The following MYH2 variants were observed in gnomAD, a reference collection of about 807,000 sequenced individuals.
MYH2 encodes the protein myosin-2.
Under a neutral mutation model 228.1 loss-of-function variants are expected in MYH2, and 139 were observed. The observed-to-expected ratio is 0.61, with a 90% CI of 0.53 to 0.70. The LOEUF is 0.70. MYH2 is among the 30% of genes least tolerant of loss of function. MYH2 has a pLI of 0.00. For synonymous variants in MYH2, 796 were observed against 871.1 expected, an observed-to-expected ratio of 0.91 and a Z score of 1.52; for missense variants, 1,809 against 2,357.5, an observed-to-expected ratio of 0.77 and a Z score of 4.82.
At chr17:10,540,196 G>A in intron 11 of MYH2, 130 bp from the exon 12 acceptor site, 7 of 1,283,702 alleles carry the variant, frequency 5.5e-6, no homozygotes, top group Non-Finnish European at 7.8e-6. Flanking sequence ...CTTAGATTGG[G>A]TATATAGAGA....
At chr17:10,540,149 G>C (rs1193885008) in intron 11 of MYH2, 83 bp from the exon 12 acceptor site, 1 of 1,582,540 alleles carries the variant, frequency 6.3e-7, no homozygotes, top group East Asian at 2.2e-5. Context: ...TTGCTGGCCT[G>C]AGGAAACTAC....
At chr17:10,540,207 G>A in intron 11 of MYH2, 141 bp from the exon 12 acceptor site, 1 of 1,174,630 alleles carries the variant, frequency 8.5e-7, no homozygotes, top group Non-Finnish European at 1.3e-6. Context: ...TATATAGAGA[G>A]TTGGTCAACC....
At chr17:10,545,549 T>A in intron 4 of MYH2, 47 bp from the exon 5 acceptor site, 1 of 1,608,750 alleles carries the variant, frequency 6.2e-7, no homozygotes, top group Admixed American at 1.7e-5. Context: ...TTCCTGTTAT[T>A]TGTGAAATTA....
rs1212172511 is a variant in MYH2, at chr17:10,529,900, T to C, written c.2872A>G (p.Lys958Glu). 1 of 1,612,994 alleles carries C rather than the reference T, an allele frequency of 6.2e-7. No homozygotes were observed. Among genetic ancestry groups the C allele is most frequent in the Non-Finnish European group, 8.5e-7 (1 of 1,179,174 alleles). The change falls in exon 23 of 40, where the codon AAA becomes GAA. Residue 958 changes from lysine to glutamate, a missense_variant. Coordinates refer to ENST00000245503, the MANE Select transcript of MYH2 (RefSeq NM_017534.6). ...GTCAGCTCAAGGTCATCAATGTCTT[T>C]CTTGAGTTCTGAACATTCATCCTCC... ...KLEDECSELK[K>E]DIDDLELTLA...
chr17:10,526,944 C>T lies in MYH2; in HGVS notation c.3984G>A (p.Glu1328=), dbSNP rs761787139. The T allele has an allele frequency of 6.2e-7, 1 of 1,614,004 alleles. No individual in the cohort carries two copies. The highest frequency in any genetic ancestry group is 1.3e-5 in the African/African-American group (1 of 75,062). The change falls in exon 29 of 40, where the codon GAG becomes GAA. Residue 1328 remains glutamate, a synonymous_variant. Transcript: ENST00000245503. ...GTCTTAGAATCATAATTACTTTTAT[C>T]TCCTCTTCAAGTTGCCTCTTTAATT... The part of the protein sequence containing the change: ...IEELKRQLEE[E]IKAKNALAHA...
In MYH2 at chr17:10,527,049, A is replaced by C. The variant is rs1328046224; in HGVS notation, c.3879T>G (p.Phe1293Leu). 1.9e-6 allele frequency: 3 copies of C among 1,613,968 alleles called. No homozygotes were observed. The highest frequency in any genetic ancestry group is 2.5e-6 in the Non-Finnish European group (3 of 1,179,926). The stretch of plus-strand genomic sequence containing the variant: ...CTTCCTTTTCATCAAGCTGGCGTGA[A>C]AACTCACCTGATGGACAAAAGAAAT... ...RGRLQTESGEFSRQLDEKEAL... is the reference protein window; with the variant it reads ...RGRLQTESGELSRQLDEKEAL... Residue 1293 changes from phenylalanine to leucine, a missense_variant, in exon 29 of 40, where the codon TTT becomes TTG. By Grantham distance (22) the Phe-to-Leu change is conservative. Around this residue, in one of 9 missense-constraint regions of MYH2, gnomAD observed 636 missense variants for 729.9 expected, o/e 0.87. Coordinates refer to ENST00000245503, the MANE Select transcript of MYH2 (RefSeq NM_017534.6).
At chr17:10,528,572 T>C in intron 27 of MYH2, 118 bp downstream of exon 27, 1 of 1,487,206 alleles carries the variant, frequency 6.7e-7, no homozygotes, top group Non-Finnish European at 9.2e-7. Context: ...TTTTTGTGCT[T>C]ACTTCCCTGA....
At chr17:10,546,806 A>G (rs1421489194) in intron 4 of MYH2, among the ~76,000 whole-genome samples, 2 of 152,030 alleles carry the variant, frequency 1.3e-5, no homozygotes, top group Admixed American at 6.6e-5. Context: ...TAGGCCAGGC[A>G]TGATGGCTTA....
Position 10,529,450 on chromosome 17 carries a change from A to T in MYH2, c.3149T>A (p.Leu1050His), listed in dbSNP as rs1292862591. 1 of 1,614,210 alleles carries T rather than the reference A, an allele frequency of 6.2e-7. No individual in the cohort carries two copies. The highest frequency in any genetic ancestry group is 1.1e-5 in the South Asian group (1 of 91,090). Reference protein sequence around the residue: ...LEGSLEQEKKLRMDLERAKRK... With the variant: ...LEGSLEQEKKHRMDLERAKRK... Reference sequence around the variant, plus strand: ...CTTAGCCCTTTCTAGGTCCATGCGAAGTTTCTTTTCTTGCTCCAAGGACCC... The same window carrying T: ...CTTAGCCCTTTCTAGGTCCATGCGATGTTTCTTTTCTTGCTCCAAGGACCC... Residue 1050 changes from leucine (L) to histidine (H), a missense_variant, in exon 25 of 40, where the codon CTT (leucine) becomes CAT (histidine). Transcript: ENST00000245503.
At chr17:10,545,817 C>T (rs949984786) in intron 4 of MYH2, among the ~76,000 whole-genome samples, 10 of 152,114 alleles carry the variant, frequency 6.6e-5, no homozygotes, top group East Asian at 1.9e-4. Flanking sequence ...CAAAAAGGAG[C>T]ACTTTAAGTG....
chr17:10,540,191 A>ATT, intron 11 of MYH2, 125 bp from the exon 12 acceptor site: 1 of 1,316,436 alleles, frequency 7.6e-7, no homozygotes, highest in Non-Finnish European at 1.1e-6. Flanking sequence ...AACCCCTTAG[A>ATT]TTGGGTATAT....
rs767382926 is a variant in MYH2 at position 10,521,327 on chromosome 17, G to A, written c.5779C>T (p.Arg1927Trp). The A allele has an allele frequency of 2.4e-5, 38 of 1,613,920 alleles. No homozygotes were observed. Among genetic ancestry groups the A allele is most frequent in the South Asian group, 5.5e-5 (5 of 91,088 alleles). The change falls in exon 40 of 40, where the codon CGG becomes TGG. Residue 1927 changes from arginine to tryptophan, a missense_variant. By Grantham distance (101) the Arg-to-Trp change is moderately radical. This residue lies in a region of MYH2 where 278 missense variants were observed against 308.5 expected (regional missense o/e 0.90). Transcript: ENST00000245503. ...DIAESQVNKL[R>W]VKSREVHTKV... is the part of the protein sequence containing the mutation. Reference sequence around the variant, plus strand: ...GTGTGAACCTCCCGGCTCTTCACCCGCAGTTTGTTCACCTGGGACTCAGCA... The same window carrying A: ...GTGTGAACCTCCCGGCTCTTCACCCACAGTTTGTTCACCTGGGACTCAGCA...
intron 10 of MYH2, among the ~76,000 whole-genome samples, chr17:10,542,648 G>T (rs2073572147): frequency 6.6e-6 from 1 of 152,120 alleles, no homozygotes; most frequent in Admixed American, 6.5e-5. Flanking sequence ...GTTCATGGTG[G>T]TTATTTCATA....
In MYH2 at chr17:10,525,699, G is replaced by A. The variant is rs765074421; in HGVS notation, c.4365C>T (p.Phe1455=). 9.3e-6 allele frequency: 15 copies of A among 1,614,034 alleles called. No homozygotes were observed. Among genetic ancestry groups the A allele is most frequent in the East Asian group, 4.5e-5 (2 of 44,884 alleles). ...AAGATGCTGGAGGAATTACCTTATCGAAGTTCCTTTGCTTTTTGTCAAGGG... is the reference window on the plus strand; with the variant it reads ...AAGATGCTGGAGGAATTACCTTATCAAAGTTCCTTTGCTTTTTGTCAAGGG... ...CAALDKKQRN[F]DKILAEWKQK... The change falls in exon 31 of 40, where the codon TTC becomes TTT. Residue 1455 remains phenylalanine (F), a synonymous_variant. Transcript: ENST00000245503. This position sits in a 1 kb window ranked among gnomAD's most constrained non-coding sequence, Gnocchi z 4.2.
In MYH2 at chr17:10,529,547, G is replaced by A. The variant is rs781702208; in HGVS notation, c.3117+17C>T. On this transcript the variant is annotated intron_variant, in intron 24 of 39. Coordinates refer to ENST00000245503, the MANE Select transcript of MYH2 (RefSeq NM_017534.6). ...TCCTTTAGAAGAAAAGAATGTCCTT[G>A]ATGATACCAGACTTACATCATCCAC... The A allele has an allele frequency of 7.4e-6, 12 of 1,614,186 alleles. No individual in the cohort carries two copies. In the South Asian group the frequency reaches 1.3e-4, roughly 18 times the overall value.
chr17:10,544,966 G>A (rs1262063171), intron 5 of MYH2, among the ~76,000 whole-genome samples: 1 of 151,748 alleles, frequency 6.6e-6, no homozygotes, highest in Non-Finnish European at 1.5e-5. Flanking sequence ...CCATTTTTTG[G>A]CTCATAGTAA....
At position 10,529,335 on chromosome 17, in the gene MYH2, C is replaced by CA; in HGVS notation, c.3263_3263+1insT (p.Lys1088AsnfsTer5). The CA allele has an allele frequency of 1.2e-6, 2 of 1,613,868 alleles. No homozygotes were observed. Among genetic ancestry groups the CA allele is most frequent in the South Asian group, 2.2e-5 (2 of 91,072 alleles). On this transcript the variant is annotated frameshift_variant and splice_region_variant. Transcript: ENST00000245503. LOFTEE classifies it high-confidence loss of function. ...TCCATAAGCAATTCTTTCTTACTTA[C>CA]TTTTTGAGCTTTTCATCAAGTTGCT... is the stretch of plus-strand genomic sequence containing the variant.
At chr17:10,538,420 T>A (rs1193038694) in intron 14 of MYH2, among the ~76,000 whole-genome samples, 2 of 152,068 alleles carry the variant, frequency 1.3e-5, no homozygotes, top group Non-Finnish European at 2.9e-5. Context: ...GGTGGGCGGA[T>A]CACGAGGTCA....
rs1382648945 is a variant in MYH2, at chr17:10,539,519, A to T, written c.1191T>A (p.Asp397Glu). Residue 397 changes from aspartate (D) to glutamate (E), a missense_variant, in exon 13 of 40, where the codon GAT (aspartate) becomes GAA (glutamate). Asp to Glu is a conservative substitution (Grantham distance 45). Around this residue, in one of 9 missense-constraint regions of MYH2, gnomAD observed 373 missense variants for 620.4 expected, o/e 0.60. Coordinates refer to ENST00000245503, the MANE Select transcript of MYH2 (RefSeq NM_017534.6). ...TGGGGTAGCAGAGAGCTTTGAGCAG[A>T]TCTGCAGAGTTCAGACTCTGGAGGT... The part of the protein sequence containing the change: ...AAYLQSLNSA[D>E]LLKALCYPRV... 7 of 1,614,198 alleles carry T rather than the reference A, an allele frequency of 4.3e-6. No individual in the cohort carries two copies. The East Asian group carries it at 1.3e-4, about 31-fold the overall frequency.
Sources: allele counts gnomAD v4.1 joint callset (sites outside exome capture counted in the v4.1 genomes callset), GRCh38; gene constraint gnomAD v4.1.1; regional missense constraint gnomAD v4.1.1; non-coding constraint Gnocchi (gnomAD v3.1); transcripts MANE v1.5; gene names NCBI Gene and HGNC (gene_info 2026-07-23, HGNC 2026-07-21).